The following NLGN1 variants were observed in gnomAD, a reference collection of about 807,000 sequenced individuals.
NLGN1 encodes the protein neuroligin 1.
Under a neutral mutation model 65.5 loss-of-function variants are expected in NLGN1, and 12 were observed. The observed-to-expected ratio is 0.18, with a 90% CI of 0.12 to 0.30. The LOEUF is 0.30. NLGN1 is among the 10% of genes least tolerant of loss of function. The probability of loss-of-function intolerance (pLI) is 1.00; values close to 1 mark genes in which losing one functional copy is unlikely to be tolerated. For synonymous variants in NLGN1, 350 were observed against 359.5 expected (o/e 0.97, Z 0.30); for missense variants, 750 against 1,007.1 (o/e 0.74, Z 3.46).
chr3:173,416,326 G>A (rs969025421), intron 1 of NLGN1, among the ~76,000 whole-genome samples: 1 of 152,162 alleles, frequency 6.6e-6, no homozygotes, highest in African/African-American at 2.4e-5. Flanking sequence ...CATAGAATGA[G>A]AGGGTTTAAT....
At chr3:173,537,831 GACATCCTCTTTCTT>G (rs1306673014) in intron 2 of NLGN1, among the ~76,000 whole-genome samples, 1 of 152,102 alleles carries the variant, frequency 6.6e-6, no homozygotes, top group African/African-American at 2.4e-5. Context: ...CTATGTTCCA[GACATCCTCTTTCTT>G]ACCTCCATTG....
chr3:173,650,412 T>C (rs1758976092), intron 3 of NLGN1, among the ~76,000 whole-genome samples: 1 of 152,192 alleles, frequency 6.6e-6, no homozygotes, highest in Non-Finnish European at 1.5e-5. Flanking sequence ...GAACTGTTTC[T>C]GTTGTGGAAG....
chr3:173,789,977 T>A, intron 3 of NLGN1: 1 of 434,400 alleles, frequency 2.3e-6, no homozygotes, highest in Non-Finnish European at 4.6e-6. Context: ...CTTTTTTTAA[T>A]CCTTTGTTGT....
At chr3:173,469,621 A>G (rs1441498059) in intron 2 of NLGN1, among the ~76,000 whole-genome samples, 1 of 151,438 alleles carries the variant, frequency 6.6e-6, no homozygotes, top group Non-Finnish European at 1.5e-5. Flanking sequence ...GAAAGTTGGC[A>G]TATGCACTTT....
At chr3:173,652,064 C>G (rs535457541) in intron 3 of NLGN1, among the ~76,000 whole-genome samples, 1 of 152,112 alleles carries the variant, frequency 6.6e-6, no homozygotes, top group South Asian at 2.1e-4. Flanking sequence ...AATGTGCTGG[C>G]GTTACAGGTG....
intron 4 of NLGN1, among the ~76,000 whole-genome samples, chr3:173,945,734 C>T (rs1049867979): frequency 6.6e-6 from 1 of 152,116 alleles, no homozygotes; most frequent in Non-Finnish European, 1.5e-5. Flanking sequence ...GAGGTTTAGT[C>T]TTCAGTATAA....
chr3:173,862,681 A>G (rs1001712406), intron 4 of NLGN1, among the ~76,000 whole-genome samples: 1 of 152,064 alleles, frequency 6.6e-6, no homozygotes, highest in Non-Finnish European at 1.5e-5. Flanking sequence ...TTTAGACAGC[A>G]TTTTATTTTG....
chr3:174,288,078 T>C (rs187935055), downstream of NLGN1, among the ~76,000 whole-genome samples: 201 of 151,716 alleles, frequency 1.3e-3, 3 homozygotes, highest in Admixed American at 0.01. Context: ...CATGGACTGA[T>C]TTAGACCACT....
intron 4 of NLGN1, among the ~76,000 whole-genome samples, chr3:173,993,001 G>A (rs1197907898): frequency 6.6e-6 from 1 of 152,146 alleles, no homozygotes; most frequent in African/African-American, 2.4e-5. Flanking sequence ...AATAGTACAA[G>A]AGGCTATTTA....
At chr3:173,792,007 G>T (rs558019015) in intron 3 of NLGN1, among the ~76,000 whole-genome samples, 6 of 152,226 alleles carry the variant, frequency 3.9e-5, no homozygotes, top group Admixed American at 3.9e-4. Context: ...CATCAGGCAA[G>T]ATAGACAGAG....
At chr3:174,013,168 T>A (rs959718492) in intron 4 of NLGN1, among the ~76,000 whole-genome samples, 1 of 152,190 alleles carries the variant, frequency 6.6e-6, no homozygotes, top group East Asian at 1.9e-4. Flanking sequence ...GCAGTGAATC[T>A]TGAGTGAGTC....
At chr3:173,914,682 G>A (rs1207264322) in intron 4 of NLGN1, among the ~76,000 whole-genome samples, 3 of 152,074 alleles carry the variant, frequency 2.0e-5, no homozygotes, top group Non-Finnish European at 4.4e-5. Flanking sequence ...AAGCCCCAAG[G>A]CACAGGGACA....
At chr3:173,736,486 A>T (rs1773772006) in intron 3 of NLGN1, among the ~76,000 whole-genome samples, 1 of 152,084 alleles carries the variant, frequency 6.6e-6, no homozygotes, top group Non-Finnish European at 1.5e-5. Flanking sequence ...GGGGAAATAT[A>T]AACATAGAAG....
At chr3:174,001,874 T>C (rs1458843996) in intron 4 of NLGN1, among the ~76,000 whole-genome samples, 2 of 150,714 alleles carry the variant, frequency 1.3e-5, no homozygotes, top group African/African-American at 2.5e-5. Flanking sequence ...AAACATCTTA[T>C]AATGTACAGA....
intron 4 of NLGN1, among the ~76,000 whole-genome samples, chr3:173,854,488 T>C (rs1434464880): frequency 6.6e-6 from 1 of 152,048 alleles, no homozygotes; most frequent in African/African-American, 2.4e-5. Context: ...ATAATAATCG[T>C]TTACAGCATA....
intron 2 of NLGN1, among the ~76,000 whole-genome samples, chr3:173,451,831 G>C (rs1465387289): frequency 6.6e-6 from 1 of 152,198 alleles, no homozygotes; most frequent in Non-Finnish European, 1.5e-5. Flanking sequence ...CATGAGCAAG[G>C]CTCCGTGGGC....
rs1220323177 is a variant in NLGN1 at position 173,415,935 on chromosome 3, A to AGC, written c.-390+17449_-390+17450insCG. Among the ~76,000 whole-genome samples, 500 of 137,326 alleles carry AGC rather than the reference A, an allele frequency of 3.6e-3. 3 individuals are homozygous for AGC. The highest frequency in any genetic ancestry group is 4.0e-3 in the Non-Finnish European group (243 of 61,372). 90.1% of individuals were successfully genotyped at this position (137,326 alleles called of 152,430 possible). A position where few individuals can be genotyped will look rare whatever the true frequency, so the allele number is the denominator to read the frequency against. On this transcript the variant is annotated intron_variant, in intron 1 of 6. Coordinates refer to ENST00000457714, the Ensembl canonical transcript of NLGN1. ...GAGAGAGAGGGAGAGAGAGAGAGAG[A>AGC]GAGAGAGAGCTTGGTATAGAGCCTA...
chr3:174,171,942 T>G (rs987935256), intron 4 of NLGN1, among the ~76,000 whole-genome samples: 10 of 152,100 alleles, frequency 6.6e-5, no homozygotes, highest in Admixed American at 5.3e-4. Context: ...TTTTGGTTAT[T>G]ATAATAATCA....
chr3:174,249,138 A>G (rs1353963326), intron 4 of NLGN1, among the ~76,000 whole-genome samples: 2 of 152,248 alleles, frequency 1.3e-5, no homozygotes, highest in East Asian at 1.9e-4. Flanking sequence ...TATTTTGTAG[A>G]TATTAAAAAC....
Sources: gnomAD v4.1 joint callset for allele counts (sites outside exome capture counted in the v4.1 genomes callset) on GRCh38, gnomAD v4.1.1 for gene constraint, MANE v1.5 for transcripts, NCBI Gene and HGNC (gene_info 2026-07-23, HGNC 2026-07-21) for gene names.